CAMK2B: variants seen among roughly 807,000 people sequenced by gnomAD.
CAMK2B encodes the protein calcium/calmodulin dependent protein kinase II beta, also known as calcium/calmodulin-dependent protein kinase type II subunit beta.
CAMK2B carries 27 observed loss-of-function variants against 93.7 expected under a neutral mutation model. The observed-to-expected ratio is 0.29, with a 90% CI of 0.21 to 0.40. The LOEUF is 0.40. Ranked by LOEUF, CAMK2B falls within the 10% of genes least tolerant of loss-of-function variation. The pLI is 1.00. For synonymous variants in CAMK2B, 374 were observed against 358.8 expected (o/e 1.04, Z -0.48); for missense variants, 568 against 895.8 (o/e 0.63, Z 4.67).
At chr7:44,251,501 G>A (rs1015584001) in intron 5 of CAMK2B, among the ~76,000 whole-genome samples, 2 of 152,208 alleles carry the variant, frequency 1.3e-5, no homozygotes, top group African/African-American at 4.8e-5. Flanking sequence ...TGAGGCTGTC[G>A]CACCAGCAGG....
At chr7:44,313,505 C>T (rs1230509355) in intron 1 of CAMK2B, among the ~76,000 whole-genome samples, 3 of 151,540 alleles carry the variant, frequency 2.0e-5, no homozygotes, top group Admixed American at 1.3e-4. Context: ...AGTCCCAGAA[C>T]GTGAGGTGAG....
At chr7:44,226,484 C>T (rs545977277) in intron 20 of CAMK2B, 32 bp downstream of exon 20, 3 of 1,377,846 alleles carry the variant, frequency 2.2e-6, no homozygotes, top group Non-Finnish European at 1.9e-6. Context: ...CTCCGGGCAG[C>T]CGCTGCCACG....
chr7:44,279,273 C>T (rs1004400215), intron 2 of CAMK2B, among the ~76,000 whole-genome samples: 2 of 152,170 alleles, frequency 1.3e-5, no homozygotes, highest in African/African-American at 4.8e-5. Flanking sequence ...AAGCTGGGTT[C>T]GTTCTATCAT....
intron 2 of CAMK2B, chr7:44,266,808 C>T (rs549832978): frequency 6.6e-6 from 1 of 152,372 alleles, no homozygotes; most frequent in South Asian, 2.1e-4. Flanking sequence ...CGGTGATGTC[C>T]TTGTCAGGGC....
chr7:44,284,304 A>G lies in CAMK2B; in HGVS notation c.66-79T>C, dbSNP rs1464140225. 4.0e-6 allele frequency: 4 copies of G among 1,009,280 alleles called. No homozygotes were observed. The East Asian group carries it at 1.0e-4, about 26-fold the overall frequency. 62.5% of individuals were successfully genotyped at this position (1,009,280 alleles called of 1,614,324 possible). A position where few individuals can be genotyped will look rare whatever the true frequency, so the allele number is the denominator to read the frequency against. ...AGAGAGAGAGCCGATTAATCTCCCCATAAACACTCCCCATTAAGCATTCAG... is the reference window on the plus strand; with the variant it reads ...AGAGAGAGAGCCGATTAATCTCCCCGTAAACACTCCCCATTAAGCATTCAG... On this transcript the variant is annotated intron_variant, in intron 1 of 23. Transcript: ENST00000395749.
At chr7:44,236,463 G>A (rs2096627242) in intron 13 of CAMK2B, among the ~76,000 whole-genome samples, 2 of 152,074 alleles carry the variant, frequency 1.3e-5, no homozygotes, top group South Asian at 4.1e-4. Context: ...TCCGTCCCCA[G>A]GCCTAAGGCC....
intron 5 of CAMK2B, among the ~76,000 whole-genome samples, chr7:44,250,520 G>A (rs1419022751): frequency 6.8e-6 from 1 of 148,016 alleles, no homozygotes; most frequent in Non-Finnish European, 1.5e-5. Flanking sequence ...TTTCAGTAGT[G>A]ACATTGCTTT....
intron 1 of CAMK2B, among the ~76,000 whole-genome samples, chr7:44,298,465 T>C (rs1788922296): frequency 6.6e-6 from 1 of 152,182 alleles, no homozygotes; most frequent in African/African-American, 2.4e-5. Context: ...GAAATCTTCA[T>C]AACATTGGAT....
At chr7:44,276,120 G>A (rs570713353) in intron 2 of CAMK2B, among the ~76,000 whole-genome samples, 109 of 146,402 alleles carry the variant, frequency 7.4e-4, no homozygotes, top group Non-Finnish European at 9.0e-4. Flanking sequence ...AGCCAGAGGG[G>A]AAAGAGGGGC....
chr7:44,222,111 G>A (rs867020359), intron 20 of CAMK2B, among the ~76,000 whole-genome samples: 7 of 152,088 alleles, frequency 4.6e-5, no homozygotes, highest in Non-Finnish European at 5.9e-5. Flanking sequence ...GCACACGCAC[G>A]CTCACCTATA....
rs1356504238 is a variant in CAMK2B, at chr7:44,218,957, T to G, written c.*568A>C. 6.6e-6 allele frequency: 1 copy of G among 152,206 alleles called. No homozygotes were observed. The highest frequency in any genetic ancestry group is 2.4e-5 in the African/African-American group (1 of 41,346). 9.4% of individuals were successfully genotyped at this position (152,206 alleles called of 1,614,324 possible). The stretch of plus-strand genomic sequence containing the variant: ...GGGAAAGCAGGAACAACAGCAACTC[T>G]CAGGCACAACTAGCGGGAAAGGAGG... On this transcript the variant is annotated 3_prime_UTR_variant, in exon 24 of 24. Transcript: ENST00000395749.
chr7:44,237,995 G>T (rs528702416), intron 13 of CAMK2B, among the ~76,000 whole-genome samples: 40 of 152,338 alleles, frequency 2.6e-4, no homozygotes, highest in African/African-American at 8.9e-4. Context: ...GACAGACGGG[G>T]TCTCTCTGCG....
intron 1 of CAMK2B, among the ~76,000 whole-genome samples, chr7:44,317,796 A>C (rs1247638749): frequency 2.6e-5 from 4 of 152,136 alleles, no homozygotes; most frequent in African/African-American, 9.7e-5. Flanking sequence ...AGAGAAAATG[A>C]AGGTAAACTT....
intron 4 of CAMK2B, among the ~76,000 whole-genome samples, chr7:44,257,213 G>A (rs2096841550): frequency 2.0e-5 from 3 of 152,148 alleles, no homozygotes; most frequent in Admixed American, 1.3e-4. Flanking sequence ...GGCAATGCCA[G>A]CCAACTCCAG....
intron 2 of CAMK2B, among the ~76,000 whole-genome samples, chr7:44,274,337 G>A (rs376031462): frequency 6.6e-6 from 1 of 152,106 alleles, no homozygotes; most frequent in Admixed American, 6.5e-5. Context: ...CACAACCAGG[G>A]CCCCCAGGAC....
At chr7:44,221,321 G>A (rs758704788) in intron 20 of CAMK2B, among the ~76,000 whole-genome samples, 14 of 152,106 alleles carry the variant, frequency 9.2e-5, no homozygotes, top group Non-Finnish European at 1.3e-4. Flanking sequence ...GCAGCTTCCC[G>A]GCCCCACTCT....
rs774288479 is a variant in CAMK2B at position 44,225,934 on chromosome 7, T to C, written c.1597+582A>G. The C allele has an allele frequency of 1.7e-5, 22 of 1,269,960 alleles. No individual in the cohort carries two copies. In the South Asian group the frequency reaches 2.5e-4, roughly 15 times the overall value. The allele number at this position is 1,269,960 out of a possible 1,614,324, so 78.7% of individuals were successfully genotyped here. A position where few individuals can be genotyped will look rare whatever the true frequency, so the allele number is the denominator to read the frequency against. On this transcript the variant is annotated intron_variant, in intron 20 of 23. Transcript: ENST00000395749. This position sits in a 1 kb window ranked among gnomAD's most constrained non-coding sequence, Gnocchi z 5.0. ...GGTAGTCGGCAGACAGACCGGGAGG[T>C]GGCCCAGCCTGGCTCCTCCCTGGCC...
At chr7:44,220,513 G>A in intron 22 of CAMK2B, 103 bp downstream of exon 22, 2 of 1,058,078 alleles carry the variant, frequency 1.9e-6, no homozygotes, top group Non-Finnish European at 2.8e-6. Context: ...GGCACAGAGG[G>A]GACAGGGCTT....
intron 1 of CAMK2B, among the ~76,000 whole-genome samples, chr7:44,289,638 C>G (rs1409840360): frequency 6.6e-6 from 1 of 152,170 alleles, no homozygotes; most frequent in Non-Finnish European, 1.5e-5. Context: ...CAGTGATTGT[C>G]CCCCTACACA....
Sources: gnomAD v4.1 joint callset for allele counts (sites outside exome capture counted in the v4.1 genomes callset) on GRCh38, gnomAD v4.1.1 for gene constraint, Gnocchi (gnomAD v3.1) non-coding constraint, MANE v1.5 for transcripts, NCBI Gene and HGNC (gene_info 2026-07-23, HGNC 2026-07-21) for gene names.